Variants in PDSS2 observed in about 807,000 individuals in gnomAD.
PDSS2 encodes the protein all trans-polyprenyl-diphosphate synthase PDSS2.
In PDSS2, 31 loss-of-function variants were observed where a neutral mutation model predicts 44.5. That is an observed-to-expected ratio of 0.70 (90% CI 0.52 to 0.94). The LOEUF is 0.94. Ranked by LOEUF, PDSS2 falls within the 40% of genes least tolerant of loss-of-function variation. The probability of loss-of-function intolerance (pLI) is 0.00; values close to 1 mark genes in which losing one functional copy is unlikely to be tolerated. For missense variants in PDSS2, 452 were observed against 482.2 expected (o/e 0.94, Z 0.59); for synonymous variants, 157 against 180.3 (o/e 0.87, Z 1.03).
chr6:107,318,096 AATG>A (rs1396526189), intron 2 of PDSS2, among the ~76,000 whole-genome samples: 1 of 152,170 alleles, frequency 6.6e-6, no homozygotes, highest in African/African-American at 2.4e-5. Flanking sequence ...AAAATCATAT[AATG>A]ATGATTTTAT....
At chr6:107,156,817 G>T (rs1043562283) in intron 7 of PDSS2, among the ~76,000 whole-genome samples, 1 of 152,190 alleles carries the variant, frequency 6.6e-6, no homozygotes, top group African/African-American at 2.4e-5. Flanking sequence ...GGCAGCCGAG[G>T]TTGTGAAATT....
At chr6:107,246,356 G>C (rs1318673437) in intron 3 of PDSS2, among the ~76,000 whole-genome samples, 1 of 152,072 alleles carries the variant, frequency 6.6e-6, no homozygotes, top group African/African-American at 2.4e-5. Context: ...CTTAATTTGA[G>C]AGGATAAAAT....
intron 1 of PDSS2, among the ~76,000 whole-genome samples, chr6:107,458,301 C>G (rs910242037): frequency 1.3e-5 from 2 of 149,872 alleles, no homozygotes; most frequent in African/African-American, 2.5e-5. Context: ...CTGGCTAACA[C>G]GGTGAAACCC....
intron 1 of PDSS2, among the ~76,000 whole-genome samples, chr6:107,412,395 T>C (rs1197831055): frequency 1.3e-5 from 2 of 151,832 alleles, no homozygotes; most frequent in African/African-American, 4.8e-5. Context: ...CCCGCCACCA[T>C]GCCCAGCTAA....
rs192675157 is a variant in PDSS2 at position 107,385,316 on chromosome 6, T to C, written c.297-50984A>G. ...GAGTTTGAATCCAGCCTGTGAAACA[T>C]AGCAAGATCCCTGTCTCTTAAAAAA... On this transcript the variant is annotated intron_variant, in intron 1 of 7. Coordinates refer to ENST00000369037, the MANE Select transcript of PDSS2 (RefSeq NM_020381.4). Among the ~76,000 whole-genome samples the C allele has an allele frequency of 2.0e-5, 3 of 151,032 alleles. No individual in the cohort carries two copies. The East Asian group carries it at 5.8e-4, about 29-fold the overall frequency.
intron 6 of PDSS2, among the ~76,000 whole-genome samples, chr6:107,198,535 A>G (rs1021747514): frequency 1.3e-5 from 2 of 152,214 alleles, no homozygotes; most frequent in Admixed American, 6.5e-5. Context: ...AAATATTTAA[A>G]CTTCTATAGG....
At chr6:107,288,314 T>A (rs1055465624) in intron 2 of PDSS2, among the ~76,000 whole-genome samples, 1 of 152,128 alleles carries the variant, frequency 6.6e-6, no homozygotes, top group African/African-American at 2.4e-5. Flanking sequence ...AAAAAAAATA[T>A]GAGGGCTGGA....
chr6:107,356,439 A>G (rs1178551537), intron 1 of PDSS2, among the ~76,000 whole-genome samples: 2 of 152,244 alleles, frequency 1.3e-5, no homozygotes, highest in South Asian at 2.1e-4. Flanking sequence ...GTGTTTGGAG[A>G]AGGAGAAGCT....
intron 1 of PDSS2, among the ~76,000 whole-genome samples, chr6:107,424,967 G>A (rs1450624576): frequency 3.9e-5 from 6 of 152,134 alleles, no homozygotes; most frequent in Non-Finnish European, 8.8e-5. Context: ...ATGGGGGTGG[G>A]TCTTTCCTGC....
chr6:107,283,196 G>A (rs1431119263), intron 2 of PDSS2, among the ~76,000 whole-genome samples: 3 of 151,836 alleles, frequency 2.0e-5, no homozygotes, highest in Non-Finnish European at 4.4e-5. Context: ...ATGGTGGTGT[G>A]TGCCTGTGAT....
At chr6:107,340,558 T>C (rs1778049394) in intron 1 of PDSS2, among the ~76,000 whole-genome samples, 1 of 152,190 alleles carries the variant, frequency 6.6e-6, no homozygotes, top group African/African-American at 2.4e-5. Flanking sequence ...AAATACGAGC[T>C]GTAAGAAAAG....
chr6:107,269,596 T>C (rs961445887), intron 3 of PDSS2, among the ~76,000 whole-genome samples: 1 of 152,204 alleles, frequency 6.6e-6, no homozygotes, highest in African/African-American at 2.4e-5. Flanking sequence ...GTTCTGTTTA[T>C]TGAATACTTG....
chr6:107,347,437 C>G lies in PDSS2; in HGVS notation c.297-13105G>C, dbSNP rs536730505. Among the ~76,000 whole-genome samples, 3 of 151,778 alleles carry G rather than the reference C, an allele frequency of 2.0e-5. No individual in the cohort carries two copies. In the South Asian group the frequency reaches 6.2e-4, roughly 32 times the overall value. On this transcript the variant is annotated intron_variant, in intron 1 of 7. Coordinates refer to ENST00000369037, the MANE Select transcript of PDSS2 (RefSeq NM_020381.4). ...GGCGCCTGCCATCACGCCTGGCTAACTTTTTGTCTTTTCAGTAGAGATGGG... is the reference window on the plus strand; with the variant it reads ...GGCGCCTGCCATCACGCCTGGCTAAGTTTTTGTCTTTTCAGTAGAGATGGG...
chr6:107,202,160 T>C (rs1772799431), intron 6 of PDSS2, among the ~76,000 whole-genome samples: 1 of 152,200 alleles, frequency 6.6e-6, no homozygotes, highest in Admixed American at 6.5e-5. Context: ...AGCCTCAGCC[T>C]CCTGAATAGC....
rs138259478 is a variant in PDSS2 at position 107,278,731 on chromosome 6, C to T, written c.432-4504G>A. On this transcript the variant is annotated intron_variant, in intron 2 of 7. Coordinates refer to ENST00000369037, the MANE Select transcript of PDSS2 (RefSeq NM_020381.4). ...TTAAATGCCACATGACCAGAAACAA[C>T]AAAAACAATGGTATGCAATAATAAA... Among the ~76,000 whole-genome samples the T allele has an allele frequency of 5.9e-4, 90 of 152,134 alleles. 1 individual carries two copies. The highest frequency in any genetic ancestry group is 3.5e-4 in the Non-Finnish European group (24 of 67,978).
intron 1 of PDSS2, among the ~76,000 whole-genome samples, chr6:107,411,450 T>C (rs1482606552): frequency 3.3e-5 from 5 of 152,252 alleles, no homozygotes; most frequent in Admixed American, 3.3e-4. Flanking sequence ...ACTGTAGTTT[T>C]AATTTGCATT....
intron 1 of PDSS2, among the ~76,000 whole-genome samples, chr6:107,443,727 T>A (rs574878659): frequency 5.9e-5 from 9 of 152,290 alleles, no homozygotes; most frequent in Non-Finnish European, 1.0e-4. Flanking sequence ...TGTCTTAAAT[T>A]CTTTTCCTGC....
intron 4 of PDSS2, among the ~76,000 whole-genome samples, chr6:107,240,532 G>C (rs1006511868): frequency 6.6e-6 from 1 of 151,550 alleles, no homozygotes; most frequent in African/African-American, 2.4e-5. Context: ...CCGAGTAGCT[G>C]GGATTACAGG....
chr6:107,354,144 TTGAACAG>T (rs1216032062), intron 1 of PDSS2, among the ~76,000 whole-genome samples: 1 of 152,238 alleles, frequency 6.6e-6, no homozygotes, highest in African/African-American at 2.4e-5. Context: ...CATGAAGATC[TTGAACAG>T]TGAAGTCACT....
Sources: allele counts gnomAD v4.1 joint callset (sites outside exome capture counted in the v4.1 genomes callset), GRCh38; gene constraint gnomAD v4.1.1; transcripts MANE v1.5; gene names NCBI Gene and HGNC (gene_info 2026-07-23, HGNC 2026-07-21).